ADK: variants seen among roughly 807,000 people sequenced by gnomAD.
The protein encoded by ADK is adenosine kinase, also known as N6,N6-dimethyladenosine kinase.
ADK carries 24 observed loss-of-function variants against 44.7 expected under a neutral mutation model. The observed-to-expected ratio is 0.54, with a 90% CI of 0.39 to 0.76. The LOEUF (loss-of-function observed/expected upper bound fraction) is 0.76. Among genes scored for constraint, ADK ranks in the 30% least tolerant of loss-of-function variants. The pLI, the probability that ADK is intolerant of heterozygous loss-of-function variation, is 0.00. For synonymous variants in ADK, 128 were observed against 142.6 expected, an observed-to-expected ratio of 0.90 and a Z score of 0.73; for missense variants, 321 against 425.1, an observed-to-expected ratio of 0.76 and a Z score of 2.15.
chr10:74,180,124 A>G (rs1187700368), intron 1 of ADK, among the ~76,000 whole-genome samples: 2 of 152,008 alleles, frequency 1.3e-5, no homozygotes, highest in East Asian at 3.8e-4. Context: ...CAGGATTGGA[A>G]ATCAATGAGG....
At chr10:74,411,744 A>G (rs1844185465) in intron 6 of ADK, among the ~76,000 whole-genome samples, 1 of 152,230 alleles carries the variant, frequency 6.6e-6, no homozygotes, top group Non-Finnish European at 1.5e-5. Context: ...CTTCTTTCAT[A>G]AAAGATTTCT....
chr10:74,368,858 C>A (rs1285847223), intron 4 of ADK, among the ~76,000 whole-genome samples: 3 of 152,076 alleles, frequency 2.0e-5, no homozygotes, highest in African/African-American at 7.2e-5. Context: ...AAACTCCTGA[C>A]CTCAAGTGAT....
chr10:74,702,874 C>T (rs539987677), intron 10 of ADK, among the ~76,000 whole-genome samples: 2 of 152,014 alleles, frequency 1.3e-5, no homozygotes, highest in Non-Finnish European at 2.9e-5. Context: ...TGGGATTACA[C>T]GTGTGAGCCA....
At chr10:74,634,567 C>T (rs549990957) in intron 9 of ADK, among the ~76,000 whole-genome samples, 1 of 152,148 alleles carries the variant, frequency 6.6e-6, no homozygotes, top group African/African-American at 2.4e-5. Flanking sequence ...ACAGGGTACT[C>T]TTTCAGTAAT....
At chr10:74,155,524 TTTTG>T (rs1297085414) in intron 1 of ADK, among the ~76,000 whole-genome samples, 24 of 152,058 alleles carry the variant, frequency 1.6e-4, no homozygotes, top group African/African-American at 5.6e-4. Context: ...ATATATATTT[TTTTG>T]TTTGTTTGTT....
chr10:74,391,702 C>G (rs1843340551), intron 4 of ADK, among the ~76,000 whole-genome samples: 1 of 150,170 alleles, frequency 6.7e-6, no homozygotes, highest in Admixed American at 6.6e-5. Flanking sequence ...CACACATTCT[C>G]TTTTATGTAA....
At position 74,671,223 on chromosome 10, in the gene ADK, C is replaced by CT. The variant is rs567534671; in HGVS notation, c.964+966dup. ...TTCTCTAAAACTATTCATGCCCAGT[C>CT]TTTTTTTTTTTTCTCCCAGGCTGGT... On this transcript the variant is annotated intron_variant, in intron 10 of 10. Transcript: ENST00000539909. Among the ~76,000 whole-genome samples, 815 of 144,688 alleles carry CT rather than the reference C, an allele frequency of 5.6e-3. 1 individual carries two copies. Among genetic ancestry groups the CT allele is most frequent in the Middle Eastern group, 0.014 (4 of 278 alleles). The allele number at this position is 144,688 out of a possible 152,430, so 94.9% of individuals were successfully genotyped here. A position where few individuals can be genotyped will look rare whatever the true frequency, so the allele number is the denominator to read the frequency against.
chr10:74,152,772 C>T (rs1305051200), intron 1 of ADK, among the ~76,000 whole-genome samples: 1 of 152,156 alleles, frequency 6.6e-6, no homozygotes, highest in African/African-American at 2.4e-5. Flanking sequence ...AGTACAGGAA[C>T]AGAAATAGGA....
intron 4 of ADK, among the ~76,000 whole-genome samples, chr10:74,360,921 T>C (rs1842314616): frequency 6.6e-6 from 1 of 152,228 alleles, no homozygotes; most frequent in South Asian, 2.1e-4. Context: ...ATTTGGGTTT[T>C]ATTTGAGATG....
Position 74,398,410 on chromosome 10 carries a change from C to T in ADK, c.447-61C>T, listed in dbSNP as rs41280418. The T allele has an allele frequency of 6.5e-6, 7 of 1,083,900 alleles. No individual in the cohort carries two copies. In the African/African-American group the frequency reaches 1.1e-4, roughly 17 times the overall value. 67.1% of individuals were successfully genotyped at this position (1,083,900 alleles called of 1,614,324 possible). On this transcript the variant is annotated intron_variant, in intron 5 of 10. Coordinates refer to ENST00000539909, the MANE Select transcript of ADK (RefSeq NM_006721.4). ...CTTTGCAAAAAATATTGGTAATTAT[C>T]TATTGAAACATATGCTAAGTTTGAC...
chr10:74,197,223 G>A (rs1203798942), intron 1 of ADK, among the ~76,000 whole-genome samples: 2 of 152,018 alleles, frequency 1.3e-5, no homozygotes, highest in Admixed American at 6.6e-5. Flanking sequence ...GGAAATTTGG[G>A]GTAAAAGAGG....
rs1564642205 is a variant in ADK, at chr10:74,302,098, TTTGTTTGTTTG to T, written c.195-12566_195-12556del. 2.0e-4 allele frequency among the ~76,000 whole-genome samples: 19 copies of T among 97,242 alleles called. 3 individuals are homozygous for T. Among genetic ancestry groups the T allele is most frequent in the African/African-American group, 5.6e-4 (13 of 23,032 alleles). The allele number at this position is 97,242 out of a possible 152,430, so 63.8% of individuals were successfully genotyped here. A position where few individuals can be genotyped will look rare whatever the true frequency, so the allele number is the denominator to read the frequency against. ...GCTTTCTTTTCTTTTCTGTTTTTTT[TTTGTTTGTTTG>T]TTTTTTTTTTTTTTTTTTTTTTTTT... On this transcript the variant is annotated intron_variant, in intron 3 of 10. Transcript: ENST00000539909.
At chr10:74,343,094 A>C (rs912324503) in intron 4 of ADK, among the ~76,000 whole-genome samples, 3 of 152,048 alleles carry the variant, frequency 2.0e-5, no homozygotes, top group African/African-American at 7.2e-5. Flanking sequence ...ATTCACCATT[A>C]AGTTTGATGT....
At chr10:74,485,134 A>G (rs1847219734) in intron 6 of ADK, among the ~76,000 whole-genome samples, 1 of 152,196 alleles carries the variant, frequency 6.6e-6, no homozygotes, top group Non-Finnish European at 1.5e-5. Context: ...GACACAAATA[A>G]CCCAGAAAGA....
chr10:74,387,890 C>A (rs942198016), intron 4 of ADK, among the ~76,000 whole-genome samples: 3 of 151,736 alleles, frequency 2.0e-5, no homozygotes, highest in African/African-American at 4.8e-5. Context: ...TAGTCAATTT[C>A]TTTTTATTTC....
At chr10:74,646,219 T>G (rs1469119207) in intron 9 of ADK, among the ~76,000 whole-genome samples, 1 of 152,202 alleles carries the variant, frequency 6.6e-6, no homozygotes, top group African/African-American at 2.4e-5. Flanking sequence ...ACAAGTTCCT[T>G]GAAATGTGAG....
intron 6 of ADK, among the ~76,000 whole-genome samples, chr10:74,524,220 T>C (rs1186867464): frequency 1.3e-5 from 2 of 152,224 alleles, no homozygotes; most frequent in African/African-American, 4.8e-5. Flanking sequence ...AATAGCATTT[T>C]AAATGCAGCT....
At chr10:74,346,689 C>G (rs1035234055) in intron 4 of ADK, among the ~76,000 whole-genome samples, 1 of 152,108 alleles carries the variant, frequency 6.6e-6, no homozygotes, top group Non-Finnish European at 1.5e-5. Context: ...TGTTTTAGCC[C>G]TGAAGGTGGC....
intron 10 of ADK, among the ~76,000 whole-genome samples, chr10:74,686,119 G>C (rs1331720446): frequency 6.6e-6 from 1 of 151,888 alleles, no homozygotes; most frequent in African/African-American, 2.4e-5. Context: ...CCACCACCAC[G>C]CCTGGCTAAT....
Sources: allele counts gnomAD v4.1 joint callset (sites outside exome capture counted in the v4.1 genomes callset), GRCh38; gene constraint gnomAD v4.1.1; transcripts MANE v1.5; gene names NCBI Gene and HGNC (gene_info 2026-07-23, HGNC 2026-07-21).